FUT9: variants seen among roughly 807,000 people sequenced by gnomAD.
The protein encoded by FUT9 is fucosyltransferase 9.
In FUT9, 15 loss-of-function variants were observed where a neutral mutation model predicts 29.7. The observed-to-expected ratio is 0.51, with a 90% CI of 0.34 to 0.78. FUT9 has a LOEUF of 0.78. Ranked by LOEUF, FUT9 falls within the 30% of genes least tolerant of loss-of-function variation. The probability of loss-of-function intolerance (pLI) is 0.01; values close to 1 mark genes in which losing one functional copy is unlikely to be tolerated. For synonymous variants in FUT9, 169 were observed against 153.7 expected (o/e 1.10, Z -0.74); for missense variants, 319 against 425.4 (o/e 0.75, Z 2.20).
At chr6:96,191,423 C>A (rs898982999) in intron 2 of FUT9, among the ~76,000 whole-genome samples, 1 of 152,122 alleles carries the variant, frequency 6.6e-6, no homozygotes, top group Non-Finnish European at 1.5e-5. Flanking sequence ...CACAGAAATA[C>A]AAACTACAAT....
At chr6:96,186,761 C>A (rs1010057910) in intron 2 of FUT9, among the ~76,000 whole-genome samples, 6 of 152,064 alleles carry the variant, frequency 3.9e-5, no homozygotes, top group African/African-American at 1.4e-4. Context: ...AACCAGGAAA[C>A]CTGAGGACAG....
At chr6:96,089,125 A>G (rs796939320) in intron 1 of FUT9, among the ~76,000 whole-genome samples, 11 of 152,266 alleles carry the variant, frequency 7.2e-5, no homozygotes, top group African/African-American at 2.6e-4. Context: ...TCCTGGCCAT[A>G]TGTGAGATCT....
At chr6:96,194,376 G>C (rs1053874522) in intron 2 of FUT9, among the ~76,000 whole-genome samples, 1 of 151,994 alleles carries the variant, frequency 6.6e-6, no homozygotes, top group African/African-American at 2.4e-5. Flanking sequence ...GCCATCCTTT[G>C]AGGACTACTG....
intron 1 of FUT9, among the ~76,000 whole-genome samples, chr6:96,020,248 C>T (rs746901098): frequency 1.3e-5 from 2 of 152,104 alleles, no homozygotes; most frequent in Non-Finnish European, 2.9e-5. Flanking sequence ...ATGTTAATAG[C>T]ATGTCATGGA....
intron 1 of FUT9, among the ~76,000 whole-genome samples, chr6:96,111,844 T>C (rs1211119614): frequency 2.0e-5 from 3 of 152,188 alleles, no homozygotes; most frequent in Non-Finnish European, 2.9e-5. Context: ...TATATGGATG[T>C]CTATGCCTCT....
At chr6:96,146,506 C>G (rs1368143016) in intron 2 of FUT9, among the ~76,000 whole-genome samples, 1 of 152,136 alleles carries the variant, frequency 6.6e-6, no homozygotes, top group Non-Finnish European at 1.5e-5. Flanking sequence ...AATGCCTGTA[C>G]TTCCCAGGAA....
intron 1 of FUT9, among the ~76,000 whole-genome samples, chr6:96,067,069 T>C (rs1265542566): frequency 6.6e-6 from 1 of 151,760 alleles, no homozygotes; most frequent in East Asian, 1.9e-4. Context: ...TTAAAAAATA[T>C]AGATCAATAA....
intron 2 of FUT9, among the ~76,000 whole-genome samples, chr6:96,135,278 C>T (rs1772326252): frequency 6.6e-6 from 1 of 151,894 alleles, no homozygotes; most frequent in African/African-American, 2.4e-5. Flanking sequence ...ACATGAGGGA[C>T]ATTTGGTTCA....
At position 96,205,308 on chromosome 6, in the gene FUT9, T is replaced by G. The variant is rs1338166229; in HGVS notation, c.*1073T>G. The G allele has an allele frequency of 6.0e-6, 1 of 167,016 alleles. No homozygotes were observed. Among genetic ancestry groups the G allele is most frequent in the Non-Finnish European group, 1.5e-5 (1 of 68,096 alleles). 10.3% of individuals were successfully genotyped at this position (167,016 alleles called of 1,614,324 possible). On this transcript the variant is annotated 3_prime_UTR_variant, in exon 3 of 3. Transcript: ENST00000302103. ...TTAAATATAATAAAGTGGGGATATATAGAAAACACACAGTGTTAGCACACA... is the reference window on the plus strand; with the variant it reads ...TTAAATATAATAAAGTGGGGATATAGAGAAAACACACAGTGTTAGCACACA...
rs1582215367 is a variant in FUT9 at position 96,079,094 on chromosome 6, G to A, written c.-97-34945G>A. 2.0e-5 allele frequency among the ~76,000 whole-genome samples: 3 copies of A among 151,978 alleles called. No individual in the cohort carries two copies. In the South Asian group the frequency reaches 6.2e-4, roughly 32 times the overall value. On this transcript the variant is annotated intron_variant, in intron 1 of 2. Transcript: ENST00000302103. ...TTTATTTCTTTACTCCTCTTCATACGTGCCCATGTTCAGAGGCACCATGTT... is the reference window on the plus strand; with the variant it reads ...TTTATTTCTTTACTCCTCTTCATACATGCCCATGTTCAGAGGCACCATGTT...
chr6:96,054,033 A>C (rs1196518430), intron 1 of FUT9, among the ~76,000 whole-genome samples: 5 of 152,192 alleles, frequency 3.3e-5, no homozygotes, highest in Non-Finnish European at 7.3e-5. Context: ...GGATGTCATA[A>C]GGTGTTGCAA....
At chr6:96,166,420 AAATGCCAATATGCTG>A (rs1773017140) in intron 2 of FUT9, among the ~76,000 whole-genome samples, 1 of 152,166 alleles carries the variant, frequency 6.6e-6, no homozygotes, top group Non-Finnish European at 1.5e-5. Context: ...CTGTATTTAA[AAATGCCAATATGCTG>A]CTCTGAGTTC....
chr6:96,110,370 A>G (rs1254849966), intron 1 of FUT9, among the ~76,000 whole-genome samples: 1 of 152,162 alleles, frequency 6.6e-6, no homozygotes, highest in Non-Finnish European at 1.5e-5. Context: ...TAGCTAAAGG[A>G]AACTTGGGAT....
chr6:96,166,971 T>C (rs1025412075), intron 2 of FUT9, among the ~76,000 whole-genome samples: 1 of 152,178 alleles, frequency 6.6e-6, no homozygotes, highest in Non-Finnish European at 1.5e-5. Context: ...TACAGATGCA[T>C]TTTTTAAAAA....
At chr6:96,083,872 A>T (rs1014777789) in intron 1 of FUT9, among the ~76,000 whole-genome samples, 1 of 152,076 alleles carries the variant, frequency 6.6e-6, no homozygotes, top group African/African-American at 2.4e-5. Flanking sequence ...GTATTCTTTC[A>T]TCTATTCTTG....
rs35995545 is a variant in FUT9 at position 96,088,530 on chromosome 6, T to TTGTGTG, written c.-97-25476_-97-25471dup. On this transcript the variant is annotated intron_variant, in intron 1 of 2. Coordinates refer to ENST00000302103, the MANE Select transcript of FUT9 (RefSeq NM_006581.4). ...CTGTATGATTCTCTGTTTGTTTGTT[T>TTGTGTG]TGTGTGTGTGTGTGTGTGTGTGTGT... is the stretch of plus-strand genomic sequence containing the variant. Among the ~76,000 whole-genome samples, 134 of 148,830 alleles carry TTGTGTG rather than the reference T, an allele frequency of 9.0e-4. 1 individual carries two copies. The highest frequency in any genetic ancestry group is 3.2e-3 in the African/African-American group (127 of 40,158).
At chr6:96,111,042 G>T (rs1435913178) in intron 1 of FUT9, among the ~76,000 whole-genome samples, 1 of 151,964 alleles carries the variant, frequency 6.6e-6, no homozygotes, top group Non-Finnish European at 1.5e-5. Flanking sequence ...GGCAAACATT[G>T]AGATGAAAAG....
intron 1 of FUT9, among the ~76,000 whole-genome samples, chr6:96,105,655 T>C (rs1426163833): frequency 6.6e-6 from 1 of 152,212 alleles, no homozygotes; most frequent in Non-Finnish European, 1.5e-5. Context: ...TTATTTTTCA[T>C]GCAGTTAATT....
At chr6:96,119,662 C>A (rs1012735230) in intron 2 of FUT9, among the ~76,000 whole-genome samples, 4 of 152,166 alleles carry the variant, frequency 2.6e-5, no homozygotes, top group African/African-American at 7.2e-5. Flanking sequence ...GCCAAGCTAA[C>A]CTGCCATCCT....
Sources: allele counts gnomAD v4.1 joint callset (sites outside exome capture counted in the v4.1 genomes callset), GRCh38; gene constraint gnomAD v4.1.1; transcripts MANE v1.5; gene names NCBI Gene and HGNC (gene_info 2026-07-23, HGNC 2026-07-21).